Variants in GRM4 observed in about 807,000 individuals in gnomAD.
GRM4 encodes the protein metabotropic glutamate receptor 4.
A neutral mutation model predicts 81.7 loss-of-function variants in GRM4; 28 were observed. The ratio of observed to expected loss-of-function variants is 0.34; its 90% CI spans 0.25 to 0.47. GRM4 has a LOEUF of 0.47. Ranked by LOEUF, GRM4 falls within the 20% of genes least tolerant of loss-of-function variation. The pLI is 1.00. For synonymous variants in GRM4, 488 were observed against 528.8 expected, an observed-to-expected ratio of 0.92 and a Z score of 1.06; for missense variants, 948 against 1,290.0, an observed-to-expected ratio of 0.73 and a Z score of 4.06.
At chr6:34,122,525 C>A (rs2127504712) in intron 2 of GRM4, among the ~76,000 whole-genome samples, 1 of 152,070 alleles carries the variant, frequency 6.6e-6, no homozygotes, top group Admixed American at 6.5e-5. Context: ...AATTTGCTTT[C>A]CTTTCATTTC....
At chr6:34,058,566 G>T (rs1327323792) in intron 5 of GRM4, among the ~76,000 whole-genome samples, 2 of 152,190 alleles carry the variant, frequency 1.3e-5, no homozygotes, top group African/African-American at 4.8e-5. Context: ...CCAGGTGACT[G>T]TGGGTTCTGC....
chr6:34,082,684 C>CCAGTGCTCGGTG (rs1273657652), intron 3 of GRM4, among the ~76,000 whole-genome samples: 1 of 152,266 alleles, frequency 6.6e-6, no homozygotes, highest in East Asian at 1.9e-4. Context: ...TTTGAGAGCA[C>CCAGTGCTCGGTG]CAGTGCTCGG....
chr6:34,086,883 A>T (rs1432317963), intron 3 of GRM4, among the ~76,000 whole-genome samples: 2 of 152,232 alleles, frequency 1.3e-5, no homozygotes, highest in African/African-American at 4.8e-5. Flanking sequence ...GCACTTTGGG[A>T]GACCAAAGTG....
chr6:34,153,054 G>A (rs570420555), intron 1 of GRM4, among the ~76,000 whole-genome samples: 1 of 152,298 alleles, frequency 6.6e-6, no homozygotes, highest in Admixed American at 6.5e-5. Flanking sequence ...ACAGAGGAGG[G>A]AGGGTCCAGG....
chr6:34,100,356 C>A (rs1259249117), intron 2 of GRM4, among the ~76,000 whole-genome samples: 1 of 152,240 alleles, frequency 6.6e-6, no homozygotes, highest in Admixed American at 6.5e-5. Context: ...TCCTATCACA[C>A]CGTGATCTGC....
chr6:34,059,049 T>C lies in GRM4; in HGVS notation c.952A>G (p.Ile318Val), dbSNP rs1175358819. 6.2e-7 allele frequency: 1 copy of C among 1,613,856 alleles called. No individual in the cohort carries two copies. Among genetic ancestry groups the C allele is most frequent in the African/African-American group, 1.3e-5 (1 of 74,994 alleles). The change falls in exon 5 of 11, where the codon ATT becomes GTT. Residue 318 changes from isoleucine to valine, a missense_variant. Physicochemically the swap from Ile to Val is conservative, Grantham distance 29. Transcript: ENST00000538487. This position sits in a 1 kb window ranked among gnomAD's most constrained non-coding sequence, Gnocchi z 5.7. Reference sequence around the variant, plus strand: ...TCCTCCAGGTGCAGCACAGGTGCAATCTTGGAGCCCCAGCTGTCAGAGCCC... The same window carrying C: ...TCCTCCAGGTGCAGCACAGGTGCAACCTTGGAGCCCCAGCTGTCAGAGCCC... ...WMGSDSWGSKIAPVLHLEEVA... is the reference protein window; with the variant it reads ...WMGSDSWGSKVAPVLHLEEVA...
intron 2 of GRM4, among the ~76,000 whole-genome samples, chr6:34,126,429 C>A (rs867759320): frequency 6.6e-6 from 1 of 152,206 alleles, no homozygotes; most frequent in Non-Finnish European, 1.5e-5. Context: ...CCAACATTTA[C>A]AGAGCAAGCC....
intron 3 of GRM4, among the ~76,000 whole-genome samples, chr6:34,065,580 G>T (rs1326450812): frequency 6.6e-6 from 1 of 152,116 alleles, no homozygotes; most frequent in Non-Finnish European, 1.5e-5. Context: ...GCTTTCCTGG[G>T]TCTCCCTTGG....
In GRM4 at chr6:34,028,344, A is replaced by G; in HGVS notation, c.2465T>C (p.Leu822Pro). ...GGCGCTCAGACTCACCGAGACCGTC[A>G]GCGTCGTCGTCTGGATGTACAGCTG... is the stretch of plus-strand genomic sequence containing the variant. ...ADKLYIQTTTLTVSVSLSASV... is the reference protein window; with the variant it reads ...ADKLYIQTTTPTVSVSLSASV... Residue 822 changes from leucine (L) to proline (P), a missense_variant, in exon 10 of 11, where the codon CTG (leucine) becomes CCG (proline). Leu to Pro is a moderately conservative substitution (Grantham distance 98, BLOSUM62 -3). Coordinates refer to ENST00000538487, the MANE Select transcript of GRM4 (RefSeq NM_000841.4). 6.2e-7 allele frequency: 1 copy of G among 1,611,262 alleles called. No individual in the cohort carries two copies.
intron 2 of GRM4, among the ~76,000 whole-genome samples, chr6:34,128,498 C>G (rs554960927): frequency 6.6e-6 from 1 of 151,974 alleles, no homozygotes; most frequent in Admixed American, 6.6e-5. Context: ...CTGCCTCAGC[C>G]TCCCAAGTAG....
rs144141922 is a variant in GRM4, at chr6:34,118,388, A to C, written c.519+14590T>G. On this transcript the variant is annotated intron_variant, in intron 2 of 10. Transcript: ENST00000538487. ...GCTGCTGGACTAGGAGGACACACTC[A>C]TGACTTCCAGGTGTGGGCAGGGGCA... Among the ~76,000 whole-genome samples, 139 of 152,312 alleles carry C rather than the reference A, an allele frequency of 9.1e-4. 1 individual carries two copies. Among genetic ancestry groups the C allele is most frequent in the African/African-American group, 3.0e-3 (123 of 41,564 alleles).
At chr6:34,088,316 G>A (rs771463969) in intron 3 of GRM4, among the ~76,000 whole-genome samples, 5 of 152,066 alleles carry the variant, frequency 3.3e-5, no homozygotes, top group Admixed American at 6.5e-5. Context: ...TAGAGACGGC[G>A]TTTCACCATG....
rs1045338604 is a variant in GRM4 at position 34,094,593 on chromosome 6, G to A, written c.520-2494C>T. Reference sequence around the variant, plus strand: ...GTTTTAGAGCAGTTTCTCAGCCTTTGCACTCTTCACACTGTGCAGGGGAGG... The same window carrying A: ...GTTTTAGAGCAGTTTCTCAGCCTTTACACTCTTCACACTGTGCAGGGGAGG... On this transcript the variant is annotated intron_variant, in intron 2 of 10. Coordinates refer to ENST00000538487, the MANE Select transcript of GRM4 (RefSeq NM_000841.4). 3.3e-5 allele frequency among the ~76,000 whole-genome samples: 5 copies of A among 152,192 alleles called. No individual in the cohort carries two copies. The East Asian group carries it at 9.6e-4, about 29-fold the overall frequency.
At chr6:34,071,534 G>T (rs572839743) in intron 3 of GRM4, among the ~76,000 whole-genome samples, 1 of 1,894 alleles carries the variant, frequency 5.3e-4, no homozygotes, top group South Asian at 0.019. Flanking sequence ...TCACCACACG[G>T]ATACACACCA....
Position 34,035,637 on chromosome 6 carries a change from C to A in GRM4, c.2442+31G>T. The A allele has an allele frequency of 7.3e-7, 1 of 1,365,588 alleles. No individual in the cohort carries two copies. The highest frequency in any genetic ancestry group is 1.0e-6 in the Non-Finnish European group (1 of 986,058). The allele number at this position is 1,365,588 out of a possible 1,614,324, so 84.6% of individuals were successfully genotyped here. A position where few individuals can be genotyped will look rare whatever the true frequency, so the allele number is the denominator to read the frequency against. On this transcript the variant is annotated intron_variant, in intron 9 of 10. Transcript: ENST00000538487. This position sits in a 1 kb window ranked among gnomAD's most constrained non-coding sequence, Gnocchi z 6.6. ...CCCCTTGCTCACTGCCCTCACCTAC[C>A]CACCGTCCACCCCCGGCCCCCACCA... is the stretch of plus-strand genomic sequence containing the variant.
At chr6:34,101,675 C>T (rs1768846794) in intron 2 of GRM4, among the ~76,000 whole-genome samples, 3 of 152,252 alleles carry the variant, frequency 2.0e-5, no homozygotes, top group Admixed American at 2.0e-4. Flanking sequence ...TGAAGTGGCC[C>T]ACTCGTCTCC....
chr6:34,109,235 T>C (rs1358431504), intron 2 of GRM4, among the ~76,000 whole-genome samples: 2 of 152,204 alleles, frequency 1.3e-5, no homozygotes, highest in African/African-American at 2.4e-5. Context: ...TGGCTCCCCC[T>C]GTCCAGGTTC....
chr6:34,083,513 A>G (rs975053188), intron 3 of GRM4, among the ~76,000 whole-genome samples: 11 of 152,028 alleles, frequency 7.2e-5, no homozygotes, highest in Non-Finnish European at 1.5e-4. Context: ...AGGTCCACTT[A>G]ATTTCCACCC....
At position 34,155,159 on chromosome 6, in the gene GRM4, C is replaced by A. The variant is rs757546635; in HGVS notation, c.232G>T (p.Glu78Ter). The A allele has an allele frequency of 6.5e-7, 1 of 1,535,352 alleles. No individual in the cohort carries two copies. The highest frequency in any genetic ancestry group is 1.2e-5 in the South Asian group (1 of 83,938). The change falls in exon 1 of 9, where the codon GAG becomes TAG. Residue 78 changes from glutamate (E) to a stop codon, truncating the protein, a stop_gained. Transcript: ENST00000374177. LOFTEE classifies it high-confidence loss of function. ...CTTCCCAGCTGGGCGGCCGCCCCCT[C>A]GGATTCGTGCGCGGCCAGGCTCACC...
Sources: allele counts gnomAD v4.1 joint callset (sites outside exome capture counted in the v4.1 genomes callset), GRCh38; gene constraint gnomAD v4.1.1; non-coding constraint Gnocchi (gnomAD v3.1); transcripts MANE v1.5; gene names NCBI Gene and HGNC (gene_info 2026-07-23, HGNC 2026-07-21).